Variants in CDYL2 observed in about 807,000 individuals in gnomAD.
The protein encoded by CDYL2 is chromodomain Y-like protein 2.
CDYL2 carries 23 observed loss-of-function variants against 49.4 expected under a neutral mutation model. The ratio of observed to expected loss-of-function variants is 0.47; its 90% CI spans 0.34 to 0.66. The LOEUF is 0.66. Among genes scored for constraint, CDYL2 ranks in the 30% least tolerant of loss-of-function variants. The pLI is 0.01. For synonymous variants in CDYL2, 360 were observed against 268.8 expected, an observed-to-expected ratio of 1.34 and a Z score of -3.32; for missense variants, 678 against 656.4, an observed-to-expected ratio of 1.03 and a Z score of -0.36.
intron 1 of CDYL2, among the ~76,000 whole-genome samples, chr16:80,801,427 T>G (rs1470503051): frequency 6.6e-6 from 1 of 152,256 alleles, no homozygotes; most frequent in Non-Finnish European, 1.5e-5. Flanking sequence ...GGAGGTTCAC[T>G]CTTTACAACT....
chr16:80,756,906 G>C (rs967722743), intron 1 of CDYL2, among the ~76,000 whole-genome samples: 2 of 150,766 alleles, frequency 1.3e-5, no homozygotes, highest in African/African-American at 2.4e-5. Flanking sequence ...AAAGGCATCT[G>C]ATAAGTCATT....
At chr16:80,737,533 C>G (rs544630665) in intron 1 of CDYL2, among the ~76,000 whole-genome samples, 1 of 152,188 alleles carries the variant, frequency 6.6e-6, no homozygotes, top group East Asian at 1.9e-4. Flanking sequence ...GTGAGCATGG[C>G]TCTTCATACC....
intron 1 of CDYL2, among the ~76,000 whole-genome samples, chr16:80,746,208 G>A (rs1457176458): frequency 5.3e-5 from 8 of 152,130 alleles, no homozygotes; most frequent in African/African-American, 1.4e-4. Flanking sequence ...ATGACAATCC[G>A]CAAATGATGG....
At chr16:80,613,545 T>C (rs1386970401) in intron 4 of CDYL2, among the ~76,000 whole-genome samples, 1 of 152,138 alleles carries the variant, frequency 6.6e-6, no homozygotes, top group Non-Finnish European at 1.5e-5. Flanking sequence ...TGACTAAAAT[T>C]GGGTTCCCTG....
intron 3 of CDYL2, among the ~76,000 whole-genome samples, chr16:80,630,964 A>C (rs539822392): frequency 6.6e-6 from 1 of 152,260 alleles, no homozygotes; most frequent in East Asian, 1.9e-4. Context: ...TTCATCCTCC[A>C]AAACATACCC....
intron 3 of CDYL2, among the ~76,000 whole-genome samples, chr16:80,630,541 C>T (rs891779273): frequency 1.3e-5 from 2 of 152,160 alleles, no homozygotes; most frequent in African/African-American, 4.8e-5. Context: ...GGTGTATAAA[C>T]ATATGAAGAG....
At chr16:80,797,560 C>T (rs1431602691) in intron 1 of CDYL2, among the ~76,000 whole-genome samples, 2 of 151,476 alleles carry the variant, frequency 1.3e-5, no homozygotes, top group Non-Finnish European at 2.9e-5. Context: ...CTATCCTTAC[C>T]TTTTTTTTTC....
At chr16:80,679,437 C>T (rs1909887595) in intron 2 of CDYL2, among the ~76,000 whole-genome samples, 1 of 151,956 alleles carries the variant, frequency 6.6e-6, no homozygotes, top group South Asian at 2.1e-4. Flanking sequence ...GTATAGAGGC[C>T]AGCTCTATAG....
At chr16:80,783,330 C>G (rs911812207) in intron 1 of CDYL2, among the ~76,000 whole-genome samples, 3 of 152,174 alleles carry the variant, frequency 2.0e-5, no homozygotes, top group Non-Finnish European at 4.4e-5. Context: ...CATTTCACAA[C>G]TACTAGGATG....
At chr16:80,726,860 G>C (rs1905179297) in intron 1 of CDYL2, among the ~76,000 whole-genome samples, 1 of 151,980 alleles carries the variant, frequency 6.6e-6, no homozygotes, top group South Asian at 2.1e-4. Context: ...GCTGAGGCAG[G>C]AGGATCACTT....
At chr16:80,615,324 G>C (rs891582206) in intron 4 of CDYL2, among the ~76,000 whole-genome samples, 3 of 152,120 alleles carry the variant, frequency 2.0e-5, no homozygotes, top group Non-Finnish European at 4.4e-5. Context: ...GACTTTTTTG[G>C]AGAATCCTTA....
intron 1 of CDYL2, among the ~76,000 whole-genome samples, chr16:80,723,926 TGGA>T (rs1905082627): frequency 1.1e-5 from 1 of 93,372 alleles, no homozygotes; most frequent in South Asian, 3.3e-4. Flanking sequence ...GGAGAAGGAG[TGGA>T]GAAGAAGAGG....
chr16:80,772,392 T>TGGA (rs1906935341), intron 1 of CDYL2, among the ~76,000 whole-genome samples: 1 of 152,172 alleles, frequency 6.6e-6, no homozygotes, highest in South Asian at 2.1e-4. Context: ...AAGACAAATG[T>TGGA]GGATAAACTG....
intron 2 of CDYL2, 38 bp downstream of exon 2, chr16:80,684,500 G>A: frequency 6.3e-7 from 1 of 1,581,112 alleles, no homozygotes; most frequent in Admixed American, 1.7e-5. Flanking sequence ...CTTTCGCCAT[G>A]GCCAGAGCCA....
rs548466616 is a variant in CDYL2, at chr16:80,612,385, G to T, written c.1218+241C>A. Among the ~76,000 whole-genome samples, 2 of 152,280 alleles carry T rather than the reference G, an allele frequency of 1.3e-5. No homozygotes were observed. The highest frequency in any genetic ancestry group is 3.9e-4 in the East Asian group (2 of 5,178). ...CCAATCCTAAGACACGCCTTCAGGGGGTTGGAGTGAGGAATAATTGAGACG... is the reference window on the plus strand; with the variant it reads ...CCAATCCTAAGACACGCCTTCAGGGTGTTGGAGTGAGGAATAATTGAGACG... On this transcript the variant is annotated intron_variant, in intron 5 of 6. Coordinates refer to ENST00000570137, the MANE Select transcript of CDYL2 (RefSeq NM_152342.4). The surrounding 1 kb of genome is among the most constrained non-coding windows in gnomAD (Gnocchi z 5.0).
chr16:80,709,274 C>T (rs1328567121), intron 1 of CDYL2, among the ~76,000 whole-genome samples: 2 of 151,076 alleles, frequency 1.3e-5, no homozygotes, highest in African/African-American at 4.9e-5. Context: ...CCCAGCTACT[C>T]AGGAGACTGA....
intron 1 of CDYL2, among the ~76,000 whole-genome samples, chr16:80,728,498 A>G (rs1905234365): frequency 1.3e-5 from 2 of 152,224 alleles, no homozygotes; most frequent in Non-Finnish European, 2.9e-5. Flanking sequence ...GATGGGGAGA[A>G]TGGAACCAAG....
At chr16:80,740,828 T>C (rs1905707478) in intron 1 of CDYL2, among the ~76,000 whole-genome samples, 1 of 151,054 alleles carries the variant, frequency 6.6e-6, no homozygotes, top group Non-Finnish European at 1.5e-5. Flanking sequence ...TCCACAAAAC[T>C]TAACTGTGAT....
At chr16:80,733,114 C>G (rs1406387603) in intron 1 of CDYL2, among the ~76,000 whole-genome samples, 1 of 152,138 alleles carries the variant, frequency 6.6e-6, no homozygotes, top group African/African-American at 2.4e-5. Context: ...ACCCCACAAC[C>G]CTGAACAGCT....
Sources: gnomAD v4.1 joint callset for allele counts (sites outside exome capture counted in the v4.1 genomes callset) on GRCh38, gnomAD v4.1.1 for gene constraint, Gnocchi (gnomAD v3.1) non-coding constraint, MANE v1.5 for transcripts, NCBI Gene and HGNC (gene_info 2026-07-23, HGNC 2026-07-21) for gene names.